The following SLC39A11 variants were observed in gnomAD, a reference collection of about 807,000 sequenced individuals.
The protein encoded by SLC39A11 is zinc transporter ZIP11.
In SLC39A11, 33 loss-of-function variants were observed where a neutral mutation model predicts 36.1. That is an observed-to-expected ratio of 0.91 (90% CI 0.69 to 1.22). The LOEUF (loss-of-function observed/expected upper bound fraction) is 1.22, where lower values mean the gene tolerates loss of function less well. SLC39A11 is among the 50% of genes most tolerant of loss of function. SLC39A11 has a pLI of 0.00. For synonymous variants in SLC39A11, 166 were observed against 170.3 expected, an observed-to-expected ratio of 0.97 and a Z score of 0.20; for missense variants, 432 against 430.3, an observed-to-expected ratio of 1.00 and a Z score of -0.03.
intron 5 of SLC39A11, among the ~76,000 whole-genome samples, chr17:72,883,017 G>A (rs192634815): frequency 2.6e-4 from 40 of 151,980 alleles, no homozygotes; most frequent in African/African-American, 9.2e-4. Context: ...GGCTGGTCTC[G>A]AATTCCTGGC....
At chr17:72,858,618 T>C (rs2079788902) in intron 5 of SLC39A11, among the ~76,000 whole-genome samples, 1 of 152,246 alleles carries the variant, frequency 6.6e-6, no homozygotes, top group African/African-American at 2.4e-5. Context: ...AAGCATAGAA[T>C]GTTTTTCCAT....
At chr17:72,927,025 G>A (rs957761296) in intron 5 of SLC39A11, among the ~76,000 whole-genome samples, 2 of 152,138 alleles carry the variant, frequency 1.3e-5, no homozygotes, top group South Asian at 2.1e-4. Flanking sequence ...AGATGACAAT[G>A]TCCGGTTGCC....
chr17:72,918,179 C>A (rs556323042), intron 5 of SLC39A11, among the ~76,000 whole-genome samples: 3 of 152,022 alleles, frequency 2.0e-5, no homozygotes, highest in Non-Finnish European at 2.9e-5. Context: ...GAGGCCGAGG[C>A]GGGTGGATCT....
chr17:73,052,192 G>A (rs561674787), intron 3 of SLC39A11, among the ~76,000 whole-genome samples: 2 of 150,472 alleles, frequency 1.3e-5, no homozygotes, highest in Admixed American at 6.6e-5. Flanking sequence ...AAAAAAAGAA[G>A]AAAGCCTCTC....
chr17:73,009,178 A>C (rs2090369732), intron 4 of SLC39A11, among the ~76,000 whole-genome samples: 1 of 151,854 alleles, frequency 6.6e-6, no homozygotes, highest in Non-Finnish European at 1.5e-5. Context: ...CCTGGCTAAC[A>C]CGGTGAAACC....
intron 7 of SLC39A11, among the ~76,000 whole-genome samples, chr17:72,683,528 G>A (rs1358325208): frequency 2.0e-5 from 3 of 151,480 alleles, no homozygotes; most frequent in Non-Finnish European, 4.4e-5. Flanking sequence ...TAGAGCCAGG[G>A]GTCTCACTAT....
chr17:72,820,960 TTTTTTG>T (rs139670069), intron 6 of SLC39A11, among the ~76,000 whole-genome samples: 26 of 150,208 alleles, frequency 1.7e-4, no homozygotes, highest in African/African-American at 3.1e-4. Flanking sequence ...TATTATAAGG[TTTTTTG>T]TTTTTGTTTT....
intron 4 of SLC39A11, among the ~76,000 whole-genome samples, chr17:72,988,093 G>A (rs548003328): frequency 6.6e-6 from 1 of 152,124 alleles, no homozygotes; most frequent in Non-Finnish European, 1.5e-5. Flanking sequence ...TGGAGAATGC[G>A]ACATCCATCC....
At chr17:72,927,969 G>C (rs1349813222) in intron 5 of SLC39A11, among the ~76,000 whole-genome samples, 1 of 151,962 alleles carries the variant, frequency 6.6e-6, no homozygotes. Flanking sequence ...GTTAATAAAG[G>C]GTTAATAAAG....
At position 72,661,036 on chromosome 17, in the gene SLC39A11, C is replaced by T. The variant is rs192117406; in HGVS notation, c.672-11768G>A. 6.5e-4 allele frequency among the ~76,000 whole-genome samples: 99 copies of T among 152,328 alleles called. 2 individuals are homozygous for T. Among genetic ancestry groups the T allele is most frequent in the Admixed American group, 3.5e-3 (54 of 15,306 alleles). ...TGAGTGTGGAGAACACCTGATCTCA[C>T]GCATCTCATTTGAGAATTTCTAGCC... On this transcript the variant is annotated intron_variant, in intron 7 of 9. Coordinates refer to ENST00000255559, the MANE Select transcript of SLC39A11 (RefSeq NM_139177.4).
At chr17:72,918,185 G>C (rs1413174454) in intron 5 of SLC39A11, among the ~76,000 whole-genome samples, 1 of 152,138 alleles carries the variant, frequency 6.6e-6, no homozygotes, top group Non-Finnish European at 1.5e-5. Context: ...GAGGCGGGTG[G>C]ATCTCCTGAG....
chr17:72,930,733 G>T (rs914335240), intron 5 of SLC39A11, among the ~76,000 whole-genome samples: 5 of 152,158 alleles, frequency 3.3e-5, no homozygotes, highest in African/African-American at 7.2e-5. Context: ...ATCTAGACTG[G>T]TCACTTCCAT....
chr17:73,010,008 C>G (rs1016157707), intron 4 of SLC39A11, among the ~76,000 whole-genome samples: 3 of 151,988 alleles, frequency 2.0e-5, no homozygotes, highest in African/African-American at 7.2e-5. Context: ...GGAGCCCTCT[C>G]CACTCCAAGG....
chr17:72,841,287 T>C (rs1017542077), intron 6 of SLC39A11, among the ~76,000 whole-genome samples: 5 of 152,186 alleles, frequency 3.3e-5, no homozygotes, highest in African/African-American at 1.2e-4. Flanking sequence ...CATGTTTAAA[T>C]ACAGGTAATT....
intron 7 of SLC39A11, among the ~76,000 whole-genome samples, chr17:72,661,599 T>C (rs1400278525): frequency 6.6e-6 from 1 of 152,148 alleles, no homozygotes; most frequent in Non-Finnish European, 1.5e-5. Context: ...GGCCTGGAGA[T>C]GACATCACCG....
intron 6 of SLC39A11, among the ~76,000 whole-genome samples, chr17:72,760,642 C>G (rs2713976): frequency 0.19 from 28,972 of 152,202 alleles, 3,199 homozygotes; most frequent in East Asian, 0.4. Context: ...TAAAGGACAC[C>G]TTGGTGTATC....
intron 7 of SLC39A11, among the ~76,000 whole-genome samples, chr17:72,731,435 G>C (rs1053786297): frequency 2.6e-5 from 4 of 152,144 alleles, no homozygotes; most frequent in Admixed American, 1.3e-4. Context: ...TTTGATCATG[G>C]GGGCGGCTTT....
At chr17:72,986,821 T>C in intron 4 of SLC39A11, among the ~76,000 whole-genome samples, 1 of 151,876 alleles carries the variant, frequency 6.6e-6, no homozygotes, top group East Asian at 1.9e-4. Context: ...AGGTCAGGAG[T>C]TCAAGACCAG....
chr17:72,859,467 G>A (rs890144069), intron 5 of SLC39A11, among the ~76,000 whole-genome samples: 1 of 152,024 alleles, frequency 6.6e-6, no homozygotes, highest in African/African-American at 2.4e-5. Flanking sequence ...AGCCCCTGAG[G>A]GGCTCAAGGG....
Sources: gnomAD v4.1 joint callset for allele counts (sites outside exome capture counted in the v4.1 genomes callset) on GRCh38, gnomAD v4.1.1 for gene constraint, MANE v1.5 for transcripts, NCBI Gene and HGNC (gene_info 2026-07-23, HGNC 2026-07-21) for gene names.